Variants in AGAP3 observed in about 807,000 individuals in gnomAD.
AGAP3 encodes arf-GAP with GTPase, ANK repeat and PH domain-containing protein 3.
Under a neutral mutation model 96.9 loss-of-function variants are expected in AGAP3, and 24 were observed. The observed-to-expected ratio is 0.25, with a 90% confidence interval of 0.18 to 0.35. The LOEUF (loss-of-function observed/expected upper bound fraction) is 0.35. Among genes scored for constraint, AGAP3 ranks in the 10% least tolerant of loss-of-function variants. The pLI, the probability that AGAP3 is intolerant of heterozygous loss-of-function variation, is 1.00. For synonymous variants in AGAP3, 563 were observed against 536.1 expected, an observed-to-expected ratio of 1.05 and a Z score of -0.69; for missense variants, 876 against 1,254.2, an observed-to-expected ratio of 0.70 and a Z score of 4.55.
intron 9 of AGAP3, among the ~76,000 whole-genome samples, chr7:151,127,751 C>T (rs1222318690): frequency 6.6e-6 from 1 of 152,192 alleles, no homozygotes; most frequent in Non-Finnish European, 1.5e-5. Context: ...GTAGGTTTCT[C>T]CTGGGAAGGA....
chr7:151,118,624 A>T lies in AGAP3; in HGVS notation c.961A>T (p.Ile321Phe). 3 of 1,613,078 alleles carry T rather than the reference A, an allele frequency of 1.9e-6. No homozygotes were observed. The South Asian group carries it at 3.3e-5, about 18-fold the overall frequency. The change falls in exon 7 of 18, where the codon ATC (isoleucine) becomes TTC (phenylalanine). Residue 321 changes from isoleucine (I) to phenylalanine (F), a missense_variant. Coordinates refer to ENST00000397238, the MANE Select transcript of AGAP3 (RefSeq NM_031946.7). This position sits in a 1 kb window ranked among gnomAD's most constrained non-coding sequence, Gnocchi z 6.1. ...CGCCGCCTCCATCCCGGCCGTGCAC[A>T]TCAACCAGGTTCGGCCTGTGCCCCG... Reference protein sequence around the residue: ...VSAASIPAVHINQATNGGGSA... With the variant: ...VSAASIPAVHFNQATNGGGSA...
chr7:151,086,503 C>CAGCGGGATCACGGCGCTGGGA lies in AGAP3; in HGVS notation c.-234_-214dup, dbSNP rs1798148184. Among the ~76,000 whole-genome samples the CAGCGGGATCACGGCGCTGGGA allele has an allele frequency of 6.8e-6, 1 of 147,840 alleles. No homozygotes were observed. The highest frequency in any genetic ancestry group is 2.4e-5 in the African/African-American group (1 of 41,054). On this transcript the variant is annotated 5_prime_UTR_variant, in exon 1 of 18. Coordinates refer to ENST00000397238, the MANE Select transcript of AGAP3 (RefSeq NM_031946.7). ...GTTGCCGCTGGAGGCTGCTCCGAGG[C>CAGCGGGATCACGGCGCTGGGA]AGCGGGATCACGGCGCTGGGAAGCG...
At position 151,118,388 on chromosome 7, in the gene AGAP3, A is replaced by T. The variant is rs144966916; in HGVS notation, c.841+44A>T. The T allele has an allele frequency of 3.9e-4, 630 of 1,596,006 alleles. 3 individuals are homozygous for T. In the African/African-American group the frequency reaches 7.6e-3, roughly 19 times the overall value. On this transcript the variant is annotated intron_variant, in intron 6 of 17. Coordinates refer to ENST00000397238, the MANE Select transcript of AGAP3 (RefSeq NM_031946.7). This position sits in a 1 kb window ranked among gnomAD's most constrained non-coding sequence, Gnocchi z 6.1. ...GGGAGTCACTGGCAGCCGCGGCCCCAGTGCTGGCGATAGGAAGGCTCCCAG... is the reference window on the plus strand; with the variant it reads ...GGGAGTCACTGGCAGCCGCGGCCCCTGTGCTGGCGATAGGAAGGCTCCCAG...
rs577125345 is a variant in AGAP3, at chr7:151,116,914, G to A, written c.390+63G>A. 1.5e-4 allele frequency: 244 copies of A among 1,598,522 alleles called. 1 individual carries two copies. In the African/African-American group the frequency reaches 2.5e-3, roughly 17 times the overall value. ...CTGGGGGGGCGAGGCTGGGTGCCGC[G>A]GGCCTGGGCCTTGCTTCTCCGGCTT... On this transcript the variant is annotated intron_variant, in intron 2 of 17. Transcript: ENST00000397238.
intron 1 of AGAP3, among the ~76,000 whole-genome samples, chr7:151,107,487 G>A (rs146825067): frequency 5.9e-5 from 9 of 151,904 alleles, no homozygotes; most frequent in Non-Finnish European, 1.2e-4. Flanking sequence ...CTAGCTGGGC[G>A]AGGTGGCACA....
At chr7:151,127,568 T>A (rs1800230288) in intron 9 of AGAP3, among the ~76,000 whole-genome samples, 1 of 152,136 alleles carries the variant, frequency 6.6e-6, no homozygotes, top group Admixed American at 6.5e-5. Flanking sequence ...TTTTGGAGGA[T>A]GGGGGGCCAT....
chr7:151,132,595 G>A lies in AGAP3; in HGVS notation c.1327-1805G>A, dbSNP rs146171884. Among the ~76,000 whole-genome samples the A allele has an allele frequency of 3.6e-3, 547 of 152,348 alleles. 4 individuals are homozygous for A. The highest frequency in any genetic ancestry group is 5.9e-3 in the Non-Finnish European group (401 of 68,032). ...AGCCACCTTGAGAATGAAGGCGACT[G>A]CAGGCTCGGCGAGACCCACAGGGCT... is the stretch of plus-strand genomic sequence containing the variant. On this transcript the variant is annotated intron_variant, in intron 10 of 17. Coordinates refer to ENST00000397238, the MANE Select transcript of AGAP3 (RefSeq NM_031946.7).
chr7:151,142,268 G>A lies in AGAP3; in HGVS notation c.2050+15G>A. 5.6e-6 allele frequency: 9 copies of A among 1,611,410 alleles called. No homozygotes were observed. The highest frequency in any genetic ancestry group is 7.6e-6 in the Non-Finnish European group (9 of 1,179,148). On this transcript the variant is annotated intron_variant, in intron 15 of 17. Coordinates refer to ENST00000397238, the MANE Select transcript of AGAP3 (RefSeq NM_031946.7). This position sits in a 1 kb window ranked among gnomAD's most constrained non-coding sequence, Gnocchi z 7.5. ...CGATGCACCCAGTGAGTGCAAGGCT[G>A]GTGGGGCTGGGAGCTGGGGATGGCC...
Position 151,142,665 on chromosome 7 carries a change from G to T in AGAP3, c.2273+31G>T. On this transcript the variant is annotated intron_variant, in intron 16 of 17. Coordinates refer to ENST00000397238, the MANE Select transcript of AGAP3 (RefSeq NM_031946.7). The surrounding 1 kb of genome is among the most constrained non-coding windows in gnomAD (Gnocchi z 7.5). ...CAGATGGTGCCCTGGAGCTGGCCAG[G>T]AATGGGGGAAGCGTTGGGGGCTCCC... is the stretch of plus-strand genomic sequence containing the variant. 6.2e-7 allele frequency: 1 copy of T among 1,602,002 alleles called. No individual in the cohort carries two copies. The highest frequency in any genetic ancestry group is 1.1e-5 in the South Asian group (1 of 90,812).
rs768140485 is a variant in AGAP3 at position 151,142,187 on chromosome 7, G to A, written c.1984G>A (p.Ala662Thr). 1 of 1,613,848 alleles carries A rather than the reference G, an allele frequency of 6.2e-7. No homozygotes were observed. Among genetic ancestry groups the A allele is most frequent in the Admixed American group, 1.7e-5 (1 of 60,024 alleles). ...DKTRLGNQNA[A>T]LAVQAVRTVR... The stretch of plus-strand genomic sequence containing the variant: ...GACTCGACTGGGGAACCAGAACGCA[G>A]CTCTGGCTGTGCAGGCCGTCCGCAC... Residue 662 changes from alanine to threonine, a missense_variant, in exon 15 of 18, where the codon GCT (alanine) becomes ACT (threonine). Coordinates refer to ENST00000397238, the MANE Select transcript of AGAP3 (RefSeq NM_031946.7). This position sits in a 1 kb window ranked among gnomAD's most constrained non-coding sequence, Gnocchi z 7.5.
At chr7:151,138,067 C>G (rs930130324) in intron 11 of AGAP3, 76 bp from the exon 12 acceptor site, 3 of 1,165,512 alleles carry the variant, frequency 2.6e-6, no homozygotes, top group African/African-American at 1.5e-5. Context: ...CTCTGCAGCT[C>G]TATTTTTAGG....
At chr7:151,134,636 G>C in intron 11 of AGAP3, 68 bp downstream of exon 11, 1 of 1,472,978 alleles carries the variant, frequency 6.8e-7, no homozygotes, top group Non-Finnish European at 9.2e-7. Context: ...CAGGCATTCT[G>C]GGCTTGGCTG....
chr7:151,121,216 G>C (rs1028021641), intron 8 of AGAP3, among the ~76,000 whole-genome samples: 1 of 152,068 alleles, frequency 6.6e-6, no homozygotes, highest in Non-Finnish European at 1.5e-5. Context: ...ACCTGCCCTC[G>C]CGGCCATCCA....
rs1799611404 is a variant in AGAP3, at chr7:151,116,865, A to G, written c.390+14A>G. The G allele has an allele frequency of 6.2e-7, 1 of 1,613,522 alleles. No individual in the cohort carries two copies. The highest frequency in any genetic ancestry group is 1.3e-5 in the African/African-American group (1 of 74,960). On this transcript the variant is annotated intron_variant, in intron 2 of 17. Coordinates refer to ENST00000397238, the MANE Select transcript of AGAP3 (RefSeq NM_031946.7). Reference sequence around the variant, plus strand: ...GAGCTTAAAGTGGTGAGTGTGGCCCATGGGCAGCACCGGCGGCCTGGAGCT... The same window carrying G: ...GAGCTTAAAGTGGTGAGTGTGGCCCGTGGGCAGCACCGGCGGCCTGGAGCT...
intron 9 of AGAP3, among the ~76,000 whole-genome samples, chr7:151,125,934 G>T (rs1036323230): frequency 2.1e-4 from 32 of 152,220 alleles, no homozygotes; most frequent in African/African-American, 7.0e-4. Context: ...TTCCTGCTCC[G>T]CCGTGCGCAG....
chr7:151,138,800 G>A (rs1012685157), intron 12 of AGAP3, among the ~76,000 whole-genome samples: 6 of 152,100 alleles, frequency 3.9e-5, no homozygotes, highest in South Asian at 2.1e-4. Context: ...GCAGCATCTC[G>A]CCCGCTACTG....
chr7:151,113,642 A>G (rs945066708), intron 1 of AGAP3, among the ~76,000 whole-genome samples: 5 of 152,204 alleles, frequency 3.3e-5, no homozygotes, highest in African/African-American at 7.2e-5. Flanking sequence ...CCTTGCCACT[A>G]CTTAAACTGG....
intron 10 of AGAP3, among the ~76,000 whole-genome samples, chr7:151,130,236 T>C (rs1397615352): frequency 6.6e-6 from 1 of 152,112 alleles, no homozygotes; most frequent in Non-Finnish European, 1.5e-5. Context: ...CTGCCAACAG[T>C]GGAGGCAGCG....
rs572823928 is a variant in AGAP3 at position 151,124,482 on chromosome 7, T to C, written c.1221+596T>C. On this transcript the variant is annotated intron_variant, in intron 9 of 17. Transcript: ENST00000397238. ...CTTTGATGTGTTGAGCCAGAGCAGC[T>C]GGGGTGGATGGGGAGGCATGTCTTT... 5.3e-5 allele frequency among the ~76,000 whole-genome samples: 8 copies of C among 152,250 alleles called. No homozygotes were observed. The East Asian group carries it at 1.4e-3, about 26-fold the overall frequency.
Sources: gnomAD v4.1 joint callset for allele counts (sites outside exome capture counted in the v4.1 genomes callset) on GRCh38, gnomAD v4.1.1 for gene constraint, Gnocchi (gnomAD v3.1) non-coding constraint, MANE v1.5 for transcripts, NCBI Gene and HGNC (gene_info 2026-07-23, HGNC 2026-07-21) for gene names.